Variants in SGMS2 observed in about 807,000 individuals in gnomAD.
SGMS2 encodes sphingomyelin synthase 2.
SGMS2 carries 21 observed loss-of-function variants against 43.8 expected under a neutral mutation model. The observed-to-expected ratio is 0.48, with a 90% CI of 0.34 to 0.69. SGMS2 has a LOEUF of 0.69. SGMS2 is among the 30% of genes least tolerant of loss of function. SGMS2 has a pLI of 0.01. For missense variants in SGMS2, 384 were observed against 443.2 expected (o/e 0.87, Z 1.20); for synonymous variants, 167 against 160.6 (o/e 1.04, Z -0.30).
upstream of SGMS2, chr4:107,824,572 T>G (rs1485844466): frequency 6.6e-6 from 1 of 152,244 alleles, no homozygotes; most frequent in African/African-American, 2.4e-5. Context: ...CAGATTGATC[T>G]CTGTTGCCGC....
At chr4:107,881,977 G>A (rs1370797599) in intron 2 of SGMS2, among the ~76,000 whole-genome samples, 2 of 152,112 alleles carry the variant, frequency 1.3e-5, no homozygotes, top group Non-Finnish European at 2.9e-5. Context: ...GTACTCTGTT[G>A]TGTATATGTA....
chr4:107,864,212 T>C (rs1046749108), intron 2 of SGMS2: 1 of 152,230 alleles, frequency 6.6e-6, no homozygotes, highest in African/African-American at 2.4e-5. Flanking sequence ...GAAATCAGAA[T>C]GTTAGAGAAT....
chr4:107,872,683 TAAG>T (rs1728636155), intron 2 of SGMS2, among the ~76,000 whole-genome samples: 3 of 151,616 alleles, frequency 2.0e-5, no homozygotes, highest in African/African-American at 4.9e-5. Flanking sequence ...AAAAAAACAA[TAAG>T]AAGAACAACC....
intron 2 of SGMS2, chr4:107,886,807 C>A (rs1729786692): frequency 6.6e-6 from 1 of 152,124 alleles, no homozygotes; most frequent in Non-Finnish European, 1.5e-5. Context: ...GGTAAAATAA[C>A]CAGTTTCTCC....
chr4:107,908,471 C>T (rs1578672974), intron 5 of SGMS2, 94 bp from the exon 6 acceptor site: 1 of 1,245,072 alleles, frequency 8.0e-7, no homozygotes, highest in Non-Finnish European at 1.1e-6. Flanking sequence ...CTTCCTGATC[C>T]TGGGTTATTC....
chr4:107,896,012 A>G lies in SGMS2; in HGVS notation c.455+4A>G, dbSNP rs2126122966. 1 of 1,604,366 alleles carries G rather than the reference A, an allele frequency of 6.2e-7. No homozygotes were observed. Among genetic ancestry groups the G allele is most frequent in the East Asian group, 2.2e-5 (1 of 44,660 alleles). ...AGTGGCTGTTTCTGAGATACAAGTA[A>G]GTAAATCTAATGTTTTGAGGATTTG... On this transcript the variant is annotated splice_donor_region_variant and intron_variant, in intron 3 of 6. Coordinates refer to ENST00000690982, the MANE Select transcript of SGMS2 (RefSeq NM_001375905.1).
chr4:107,909,478 C>T (rs940606856), intron 6 of SGMS2, among the ~76,000 whole-genome samples: 2 of 152,184 alleles, frequency 1.3e-5, no homozygotes, highest in Non-Finnish European at 2.9e-5. Context: ...GGTATATCCT[C>T]TGGTGATAAT....
At chr4:107,864,241 C>T (rs967195772) in intron 2 of SGMS2, 3 of 152,236 alleles carry the variant, frequency 2.0e-5, no homozygotes, top group Middle Eastern at 3.2e-3. Flanking sequence ...GAATGTGTCA[C>T]CACATGCCAG....
chr4:107,885,588 A>G (rs912356561), intron 2 of SGMS2, among the ~76,000 whole-genome samples: 3 of 152,170 alleles, frequency 2.0e-5, no homozygotes, highest in African/African-American at 7.2e-5. Context: ...ACACATCCAT[A>G]GACACCATTG....
chr4:107,858,683 T>G (rs776579797), intron 2 of SGMS2, 130 bp downstream of exon 2: 1 of 152,214 alleles, frequency 6.6e-6, no homozygotes, highest in Non-Finnish European at 1.5e-5. Context: ...TGCTGCTATC[T>G]TCCCTTCTCT....
intron 1 of SGMS2, among the ~76,000 whole-genome samples, 166 bp from the exon 2 acceptor site, chr4:107,858,306 G>A (rs1400842230): frequency 6.6e-6 from 1 of 152,114 alleles, no homozygotes; most frequent in East Asian, 1.9e-4. Flanking sequence ...GTCAGTACCT[G>A]TTATAGCCAG....
At chr4:107,885,844 GA>G (rs772638341) in intron 2 of SGMS2, among the ~76,000 whole-genome samples, 7 of 152,074 alleles carry the variant, frequency 4.6e-5, no homozygotes, top group Non-Finnish European at 8.8e-5. Flanking sequence ...TCACTTACTT[GA>G]CTATTGGTTA....
At chr4:107,899,542 C>T in intron 3 of SGMS2, 33 bp from the exon 4 acceptor site, 1 of 1,510,970 alleles carries the variant, frequency 6.6e-7, no homozygotes, top group Non-Finnish European at 9.1e-7. Flanking sequence ...AACCAGTAAA[C>T]TTGTTTTTCC....
intron 1 of SGMS2, among the ~76,000 whole-genome samples, chr4:107,840,578 T>C (rs1333805020): frequency 2.0e-5 from 3 of 152,330 alleles, no homozygotes; most frequent in Middle Eastern, 3.4e-3. Flanking sequence ...CTTTTAAAAC[T>C]TGGACACAGT....
chr4:107,888,624 A>T (rs1399578281), intron 2 of SGMS2, among the ~76,000 whole-genome samples: 1 of 152,120 alleles, frequency 6.6e-6, no homozygotes, highest in African/African-American at 2.4e-5. Flanking sequence ...TTATTTTTAT[A>T]ACTTTCTCTA....
At chr4:107,829,114 C>G (rs2125982981) in intron 1 of SGMS2, among the ~76,000 whole-genome samples, 1 of 152,292 alleles carries the variant, frequency 6.6e-6, no homozygotes, top group Non-Finnish European at 1.5e-5. Flanking sequence ...ATTTAGCAGA[C>G]TTATCACTAC....
intron 2 of SGMS2, among the ~76,000 whole-genome samples, chr4:107,877,683 A>G (rs1354104833): frequency 3.3e-5 from 5 of 152,128 alleles, no homozygotes; most frequent in African/African-American, 1.2e-4. Flanking sequence ...TTTTTTGTGA[A>G]TTAGTAAAAT....
rs1730218310 is a variant in SGMS2 at position 107,891,555 on chromosome 4, G to C, written c.-244-3755G>C. 2.6e-5 allele frequency among the ~76,000 whole-genome samples: 4 copies of C among 152,106 alleles called. No individual in the cohort carries two copies. In the South Asian group the frequency reaches 8.3e-4, roughly 32 times the overall value. ...TCATGCAGAGGAAATCAAGGACATG[G>C]ACACACAAGGAGTGAGGTTAAAAGC... On this transcript the variant is annotated intron_variant, in intron 2 of 6. Coordinates refer to ENST00000690982, the MANE Select transcript of SGMS2 (RefSeq NM_001375905.1).
chr4:107,853,110 G>A (rs537390634), intron 1 of SGMS2, among the ~76,000 whole-genome samples: 1 of 152,112 alleles, frequency 6.6e-6, no homozygotes, highest in East Asian at 1.9e-4. Flanking sequence ...TTAACCTTAG[G>A]AGGTTAATCA....
Sources: gnomAD v4.1 joint callset for allele counts (sites outside exome capture counted in the v4.1 genomes callset) on GRCh38, gnomAD v4.1.1 for gene constraint, MANE v1.5 for transcripts, NCBI Gene and HGNC (gene_info 2026-07-23, HGNC 2026-07-21) for gene names.